Variants in HADHB observed in about 807,000 individuals in gnomAD.
HADHB encodes hydroxyacyl-CoA dehydrogenase trifunctional multienzyme complex subunit beta.
A neutral mutation model predicts 61.9 loss-of-function variants in HADHB; 50 were observed. That is an observed-to-expected ratio of 0.81 (90% CI 0.64 to 1.02). The LOEUF is 1.02. Among genes scored for constraint, HADHB ranks in the 50% least tolerant of loss-of-function variants. HADHB has a pLI of 0.00. For missense variants in HADHB, 504 were observed against 586.5 expected, an observed-to-expected ratio of 0.86 and a Z score of 1.45; for synonymous variants, 191 against 201.6, an observed-to-expected ratio of 0.95 and a Z score of 0.45.
chr2:26,248,947 C>T (rs1405529153), intron 1 of HADHB, among the ~76,000 whole-genome samples: 1 of 151,892 alleles, frequency 6.6e-6, no homozygotes, highest in Non-Finnish European at 1.5e-5. Context: ...GTCTCAGCTA[C>T]TCGGGAGGCT....
chr2:26,277,864 C>A (rs999395132), intron 7 of HADHB, among the ~76,000 whole-genome samples: 2 of 152,222 alleles, frequency 1.3e-5, no homozygotes, highest in Admixed American at 1.3e-4. Context: ...CCTTCCTTCA[C>A]CACTACCATA....
rs1409252337 is a variant in HADHB at position 26,279,218 on chromosome 2, G to A, written c.714G>A (p.Arg238=). Residue 238 remains arginine, a synonymous_variant, in exon 9 of 16, where the codon CGG becomes CGA. Transcript: ENST00000317799. ...DRLAAAFAVS[R]LEQDEYALRS... Reference sequence around the variant, plus strand: ...TGGCCGCTGCCTTTGCTGTTTCTCGGCTGGAACAGGATGAATATGCACTGC... The same window carrying A: ...TGGCCGCTGCCTTTGCTGTTTCTCGACTGGAACAGGATGAATATGCACTGC... 4 of 1,613,626 alleles carry A rather than the reference G, an allele frequency of 2.5e-6. No individual in the cohort carries two copies. In the African/African-American group the frequency reaches 5.3e-5, roughly 22 times the overall value.
Position 26,278,838 on chromosome 2 carries a change from A to G in HADHB, c.630+37A>G, listed in dbSNP as rs775855041. On this transcript the variant is annotated intron_variant, in intron 8 of 15. Transcript: ENST00000317799. ...GTTTGCAGGGCATCCCACTGCAGAG[A>G]TTTAGAATTAGGTATGGCAGTGTGG... 3.9e-6 allele frequency: 6 copies of G among 1,545,488 alleles called. No individual in the cohort carries two copies. The African/African-American group carries it at 4.1e-5, about 11-fold the overall frequency.
chr2:26,269,531 A>G (rs1672250205), intron 4 of HADHB, among the ~76,000 whole-genome samples: 1 of 152,140 alleles, frequency 6.6e-6, no homozygotes, highest in Admixed American at 6.5e-5. Context: ...ATCTCAAGTT[A>G]CTTAAAAGCA....
Position 26,255,498 on chromosome 2 carries a change from CAA to C in HADHB, c.109+1039_109+1040del, listed in dbSNP as rs61458894. The stretch of plus-strand genomic sequence containing the variant: ...TGGGTGACAGAGCGAGACTCCGGCT[CAA>C]AAAAAAAAAAAAAAGAAAGAAAGAA... On this transcript the variant is annotated intron_variant, in intron 3 of 15. Coordinates refer to ENST00000317799, the MANE Select transcript of HADHB (RefSeq NM_000183.3). Among the ~76,000 whole-genome samples, 122 of 76,306 alleles carry C rather than the reference CAA, an allele frequency of 1.6e-3. 1 individual carries two copies. Among genetic ancestry groups the C allele is most frequent in the South Asian group, 1.0e-2 (25 of 2,512 alleles). 50.1% of individuals were successfully genotyped at this position (76,306 alleles called of 152,430 possible). A position where few individuals can be genotyped will look rare whatever the true frequency, so the allele number is the denominator to read the frequency against.
At chr2:26,257,473 A>G (rs1297551037) in intron 3 of HADHB, among the ~76,000 whole-genome samples, 1 of 152,094 alleles carries the variant, frequency 6.6e-6, no homozygotes, top group Non-Finnish European at 1.5e-5. Context: ...TAACTGTAGT[A>G]TATCCATTGT....
intron 1 of HADHB, among the ~76,000 whole-genome samples, chr2:26,251,671 G>A (rs1388064172): frequency 6.6e-6 from 1 of 151,982 alleles, no homozygotes; most frequent in East Asian, 1.9e-4. Flanking sequence ...GTGTTTCTCT[G>A]GCCAGAGTCC....
intron 5 of HADHB, among the ~76,000 whole-genome samples, chr2:26,270,408 C>T (rs1431672897): frequency 6.6e-6 from 1 of 152,200 alleles, no homozygotes; most frequent in East Asian, 1.9e-4. Context: ...GGTTGAGAAT[C>T]ATTAAATGTG....
At chr2:26,287,356 T>C (rs1190490064) in intron 15 of HADHB, among the ~76,000 whole-genome samples, 1 of 152,226 alleles carries the variant, frequency 6.6e-6, no homozygotes, top group African/African-American at 2.4e-5. Context: ...TGTAACTTCA[T>C]CTACAGAAAA....
intron 4 of HADHB, among the ~76,000 whole-genome samples, chr2:26,268,024 C>T (rs1167227817): frequency 1.3e-5 from 2 of 152,040 alleles, no homozygotes; most frequent in Non-Finnish European, 2.9e-5. Context: ...CACCGGTAGT[C>T]CTACCTACAA....
At chr2:26,286,820 T>G (rs572150546) in intron 15 of HADHB, among the ~76,000 whole-genome samples, 39 of 151,238 alleles carry the variant, frequency 2.6e-4, no homozygotes, top group Middle Eastern at 3.4e-3. Context: ...TTTGTTTTTT[T>G]TTTTTTTTTT....
At chr2:26,282,018 G>A (rs534071089) in intron 10 of HADHB, among the ~76,000 whole-genome samples, 1 of 152,118 alleles carries the variant, frequency 6.6e-6, no homozygotes, top group South Asian at 2.1e-4. Context: ...TGTATCCAAA[G>A]AGGGAAGATT....
intron 12 of HADHB, 35 bp from the exon 13 acceptor site, chr2:26,284,082 A>G (rs1254924745): frequency 1.7e-6 from 2 of 1,173,278 alleles, no homozygotes; most frequent in South Asian, 1.2e-5. Flanking sequence ...TTTAAAAATT[A>G]AAGTTTTAAG....
chr2:26,253,857 A>T (rs200277091), intron 1 of HADHB, among the ~76,000 whole-genome samples: 46 of 125,630 alleles, frequency 3.7e-4, no homozygotes, highest in African/African-American at 9.2e-4. Flanking sequence ...CCATCTCAAA[A>T]AAATAAATAA....
rs368286401 is a variant in HADHB at position 26,282,896 on chromosome 2, A to T, written c.985A>T (p.Met329Leu). 6.8e-6 allele frequency: 11 copies of T among 1,612,934 alleles called. No homozygotes were observed. In the South Asian group the frequency reaches 1.2e-4, roughly 18 times the overall value. Residue 329 changes from methionine (M) to leucine (L), a missense_variant, in exon 11 of 16, where the codon ATG becomes TTG. Coordinates refer to ENST00000317799, the MANE Select transcript of HADHB (RefSeq NM_000183.3). The part of the protein sequence containing the change: ...LIMAEEKALA[M>L]GYKPKAYLRD... ...CATGGCGGAGGAAAAGGCTCTGGCC[A>T]TGGGTTATAAGCCGAAGGCATATTT...
intron 7 of HADHB, 38 bp downstream of exon 7, chr2:26,277,198 T>C: frequency 1.0e-6 from 1 of 969,782 alleles, no homozygotes; most frequent in Non-Finnish European, 1.7e-6. Context: ...ATGTTAATTA[T>C]TCTCCTTTGT....
intron 10 of HADHB, among the ~76,000 whole-genome samples, chr2:26,280,853 CAAAAAAAAA>C (rs10560210): frequency 1.4e-4 from 7 of 49,154 alleles, no homozygotes; most frequent in South Asian, 1.2e-3. Context: ...ACTCCCATCT[CAAAAAAAAA>C]AAAAAAAAAA....
rs534014691 is a variant in HADHB, at chr2:26,280,056, C to T, written c.874C>T (p.Leu292=). The T allele has an allele frequency of 6.2e-7, 1 of 1,610,678 alleles. No individual in the cohort carries two copies. Among genetic ancestry groups the T allele is most frequent in the South Asian group, 1.1e-5 (1 of 90,986 alleles). The change falls in exon 10 of 16, where the codon CTA becomes TTA. Residue 292 remains leucine, a synonymous_variant. Coordinates refer to ENST00000317799, the MANE Select transcript of HADHB (RefSeq NM_000183.3). ...TTCCTCACTGGAGCAGATGGCCAAA[C>T]TAAAACCTGCATTCATCAAGCCCTA... ...RPSSLEQMAK[L]KPAFIKPYGT... is the part of the protein sequence containing the mutation.
At chr2:26,286,595 C>T (rs969162972) in intron 15 of HADHB, among the ~76,000 whole-genome samples, 8 of 152,074 alleles carry the variant, frequency 5.3e-5, no homozygotes, top group Middle Eastern at 3.4e-3. Context: ...CTCTGCCTCG[C>T]GAGTTCAAGC....
Sources: allele counts gnomAD v4.1 joint callset (sites outside exome capture counted in the v4.1 genomes callset), GRCh38; gene constraint gnomAD v4.1.1; transcripts MANE v1.5; gene names NCBI Gene and HGNC (gene_info 2026-07-23, HGNC 2026-07-21).